GYG1: variants seen among roughly 807,000 people sequenced by gnomAD.
GYG1 encodes glycogenin-1.
A neutral mutation model predicts 41.9 loss-of-function variants in GYG1; 44 were observed. The ratio of observed to expected loss-of-function variants is 1.05; its 90% CI spans 0.83 to 1.35. The LOEUF (loss-of-function observed/expected upper bound fraction) is 1.35, where lower values mean the gene tolerates loss of function less well. GYG1 is among the 40% of genes most tolerant of loss of function. The pLI is 0.00. For synonymous variants in GYG1, 141 were observed against 158.1 expected (o/e 0.89, Z 0.81); for missense variants, 429 against 418.9 (o/e 1.02, Z -0.21).
intron 5 of GYG1, among the ~76,000 whole-genome samples, chr3:149,017,330 A>G (rs1374308528): frequency 6.6e-6 from 1 of 152,128 alleles, no homozygotes; most frequent in Admixed American, 6.5e-5. Context: ...AAGCTGAGAC[A>G]AATCCCCATT....
In GYG1 at chr3:148,991,591, T is replaced by C; in HGVS notation, c.-50T>C. On this transcript the variant is annotated 5_prime_UTR_variant, in exon 1 of 8. Transcript: ENST00000345003. ...CGCTCCCTCCCGGTGCCGGCTTCTC[T>C]GAGTCACCAACCTGAGGCTGCCCCG... The C allele has an allele frequency of 6.4e-7, 1 of 1,551,104 alleles. No homozygotes were observed. Among genetic ancestry groups the C allele is most frequent in the Admixed American group, 1.8e-5 (1 of 54,310 alleles).
intron 4 of GYG1, among the ~76,000 whole-genome samples, chr3:148,998,854 A>G (rs1712949401): frequency 6.6e-6 from 1 of 152,218 alleles, no homozygotes; most frequent in Non-Finnish European, 1.5e-5. Flanking sequence ...GTCAGAGTGT[A>G]GCTTTCTTCA....
rs912227014 is a variant in GYG1 at position 149,028,944 on chromosome 3, CTT to C, written c.*2012_*2013del. On this transcript the variant is annotated 3_prime_UTR_variant, in exon 8 of 8. Coordinates refer to ENST00000345003, the MANE Select transcript of GYG1 (RefSeq NM_004130.4). ...CATGTTGCCAGGATGGTCTCAATCT[CTT>C]GACCTCGTGATCCACCGGCCTTGGC... 3.9e-5 allele frequency among the ~76,000 whole-genome samples: 6 copies of C among 152,288 alleles called. No individual in the cohort carries two copies. The highest frequency in any genetic ancestry group is 1.4e-4 in the African/African-American group (6 of 41,570).
chr3:149,026,661 A>G (rs1433844108), intron 7 of GYG1, 99 bp from the exon 8 acceptor site: 9 of 1,059,058 alleles, frequency 8.5e-6, no homozygotes, highest in African/African-American at 1.6e-5. Context: ...GCTACTTTGC[A>G]TGATGATTCA....
At chr3:149,007,486 C>A (rs1261222497) in intron 4 of GYG1, among the ~76,000 whole-genome samples, 1 of 152,150 alleles carries the variant, frequency 6.6e-6, no homozygotes, top group Admixed American at 6.5e-5. Context: ...TAAGTGAACG[C>A]CTTTGATTCT....
intron 5 of GYG1, among the ~76,000 whole-genome samples, chr3:149,023,669 G>C (rs1487489438): frequency 1.3e-5 from 2 of 152,144 alleles, no homozygotes; most frequent in East Asian, 3.9e-4. Context: ...GTCTCACAAT[G>C]TCACAGTGAA....
intron 5 of GYG1, 22 bp downstream of exon 5, chr3:149,009,424 A>G (rs780518224): frequency 6.6e-5 from 106 of 1,611,920 alleles, no homozygotes; most frequent in African/African-American, 9.4e-5. Context: ...TGGTTTAACT[A>G]TTGTTGGAGA....
intron 1 of GYG1, among the ~76,000 whole-genome samples, chr3:148,993,345 T>C (rs2107883223): frequency 6.6e-6 from 1 of 151,996 alleles, no homozygotes; most frequent in Non-Finnish European, 1.5e-5. Context: ...AGGATGGACC[T>C]GCACCTTCTT....
chr3:149,019,089 A>C (rs2107915823), intron 5 of GYG1, among the ~76,000 whole-genome samples: 1 of 149,238 alleles, frequency 6.7e-6, no homozygotes, highest in South Asian at 2.1e-4. Flanking sequence ...AAAAAAAAAG[A>C]GAAAGTAATG....
rs531345872 is a variant in GYG1, at chr3:149,016,177, C to T, written c.608+6775C>T. ...TCAGGAGGCTGAGGCAGGAGAATGGCGTGAACCCAGGAGGTGGAGCTTGCA... is the reference window on the plus strand; with the variant it reads ...TCAGGAGGCTGAGGCAGGAGAATGGTGTGAACCCAGGAGGTGGAGCTTGCA... On this transcript the variant is annotated intron_variant, in intron 5 of 7. Transcript: ENST00000345003. Among the ~76,000 whole-genome samples, 11 of 144,306 alleles carry T rather than the reference C, an allele frequency of 7.6e-5. 1 individual carries two copies. The highest frequency in any genetic ancestry group is 2.3e-4 in the African/African-American group (9 of 38,894). The allele number at this position is 144,306 out of a possible 152,430, so 94.7% of individuals were successfully genotyped here. A position where few individuals can be genotyped will look rare whatever the true frequency, so the allele number is the denominator to read the frequency against.
chr3:148,993,796 A>G (rs1712629716), intron 1 of GYG1, among the ~76,000 whole-genome samples: 1 of 152,242 alleles, frequency 6.6e-6, no homozygotes, highest in African/African-American at 2.4e-5. Flanking sequence ...TTGTAGAAGA[A>G]ACAGCAAATG....
chr3:149,026,697 T>C, intron 7 of GYG1, 63 bp from the exon 8 acceptor site: 1 of 1,263,880 alleles, frequency 7.9e-7, no homozygotes, highest in Non-Finnish European at 1.2e-6. Context: ...CTTCAATTTA[T>C]TGCATTCTTT....
At chr3:149,019,450 C>T (rs1714255061) in intron 5 of GYG1, among the ~76,000 whole-genome samples, 1 of 152,198 alleles carries the variant, frequency 6.6e-6, no homozygotes, top group African/African-American at 2.4e-5. Flanking sequence ...GTCTTGCTGG[C>T]ACCCAAGGGA....
intron 4 of GYG1, among the ~76,000 whole-genome samples, chr3:148,999,154 C>G (rs1712962611): frequency 6.6e-6 from 1 of 152,122 alleles, no homozygotes; most frequent in Admixed American, 6.6e-5. Flanking sequence ...TGTTAAGAAG[C>G]TTGGATGCGT....
intron 4 of GYG1, among the ~76,000 whole-genome samples, chr3:149,005,890 T>G (rs1713374007): frequency 6.6e-6 from 1 of 152,162 alleles, no homozygotes; most frequent in African/African-American, 2.4e-5. Context: ...ACCAGGAGAT[T>G]GACATTGGAC....
rs539132712 is a variant in GYG1, at chr3:149,026,775, G to A, written c.895G>A (p.Ala299Thr). ...GFCRKEDVSG[A>T]ISHLSLGEIP... ...TCCTTTCTAGGAAGATGTCTCAGGAGCCATATCACATCTGTCCCTTGGGGA... is the reference window on the plus strand; with the variant it reads ...TCCTTTCTAGGAAGATGTCTCAGGAACCATATCACATCTGTCCCTTGGGGA... Residue 299 changes from alanine (A) to threonine (T), a missense_variant, in exon 8 of 8, where the codon GCC (alanine) becomes ACC (threonine). Ala to Thr is a moderately conservative substitution (Grantham distance 58). Coordinates refer to ENST00000345003, the MANE Select transcript of GYG1 (RefSeq NM_004130.4). 76 of 1,610,174 alleles carry A rather than the reference G, an allele frequency of 4.7e-5. No individual in the cohort carries two copies. Among genetic ancestry groups the A allele is most frequent in the African/African-American group, 9.3e-5 (7 of 74,966 alleles).
intron 5 of GYG1, among the ~76,000 whole-genome samples, chr3:149,019,742 TCA>T (rs544283385): frequency 1.3e-4 from 20 of 152,322 alleles, no homozygotes; most frequent in African/African-American, 4.1e-4. Context: ...AGTGCCTGAG[TCA>T]CAGTGAAATG....
At chr3:149,009,540 G>A (rs1028370785) in intron 5 of GYG1, 138 bp downstream of exon 5, 14 of 920,784 alleles carry the variant, frequency 1.5e-5, no homozygotes, top group African/African-American at 9.7e-5. Context: ...TGTAAGAACC[G>A]TGGCTGCAAT....
rs145636253 is a variant in GYG1 at position 149,028,426 on chromosome 3, A to G, written c.*1493A>G. Among the ~76,000 whole-genome samples the G allele has an allele frequency of 3.4e-4, 52 of 152,278 alleles. No individual in the cohort carries two copies. The highest frequency in any genetic ancestry group is 1.1e-3 in the African/African-American group (45 of 41,560). On this transcript the variant is annotated 3_prime_UTR_variant, in exon 8 of 8. Coordinates refer to ENST00000345003, the MANE Select transcript of GYG1 (RefSeq NM_004130.4). ...GAGTCGCTATTGATCTTCAAGTACA[A>G]TGAAGCATTTACCAAAGATTTATTT...
Sources: gnomAD v4.1 joint callset for allele counts (sites outside exome capture counted in the v4.1 genomes callset) on GRCh38, gnomAD v4.1.1 for gene constraint, MANE v1.5 for transcripts, NCBI Gene and HGNC (gene_info 2026-07-23, HGNC 2026-07-21) for gene names.